C12orf54: variants seen among roughly 807,000 people sequenced by gnomAD.
C12orf54 encodes chromosome 12 open reading frame 54.
A neutral mutation model predicts 26.4 loss-of-function variants in C12orf54; 24 were observed. The ratio of observed to expected loss-of-function variants is 0.91; its 90% CI spans 0.66 to 1.28. The LOEUF (loss-of-function observed/expected upper bound fraction) is 1.28. C12orf54 is among the 50% of genes most tolerant of loss of function. The probability of loss-of-function intolerance (pLI) is 0.00; values close to 1 mark genes in which losing one functional copy is unlikely to be tolerated. For missense variants in C12orf54, 154 were observed against 150.9 expected (o/e 1.02, Z -0.11); for synonymous variants, 54 against 47.0 (o/e 1.15, Z -0.61).
the C12orf54 span, among the ~76,000 whole-genome samples, chr12:48,421,371 G>A: frequency 6.6e-6 from 1 of 151,994 alleles, no homozygotes; most frequent in Non-Finnish European, 1.5e-5. Flanking sequence ...CAACTCCAAA[G>A]AGGGTGGTGT....
At chr12:48,481,922 A>G (rs1198918188), upstream of C12orf54, among the ~76,000 whole-genome samples, 1 of 152,164 alleles carries the variant, frequency 6.6e-6, no homozygotes, top group Non-Finnish European at 1.5e-5. Flanking sequence ...AGATTTCTAG[A>G]CATATTGGGA....
chr12:48,433,784 G>A, the C12orf54 span, among the ~76,000 whole-genome samples: 1 of 152,176 alleles, frequency 6.6e-6, no homozygotes, highest in African/African-American at 2.4e-5. Context: ...GCCAGCGGTG[G>A]AGCCAAGATG....
the C12orf54 span, among the ~76,000 whole-genome samples, chr12:48,450,157 A>G: frequency 2.0e-5 from 3 of 152,190 alleles, no homozygotes; most frequent in Admixed American, 2.0e-4. Flanking sequence ...TTTTAAAACT[A>G]GAGGAATGGA....
chr12:48,444,442 C>G, the C12orf54 span, among the ~76,000 whole-genome samples: 1 of 152,162 alleles, frequency 6.6e-6, no homozygotes, highest in Admixed American at 6.5e-5. Context: ...GCACTAGAAA[C>G]TTAAATCGTG....
chr12:48,472,606 TC>T, the C12orf54 span: 1 of 1,600,616 alleles, frequency 6.2e-7, no homozygotes, highest in East Asian at 2.2e-5. Context: ...GGTTGTGGGT[TC>T]GGGGTTTATT....
the C12orf54 span, among the ~76,000 whole-genome samples, chr12:48,413,443 C>A: frequency 1.3e-5 from 2 of 152,104 alleles, no homozygotes. Context: ...AAGAAGAGGG[C>A]GGTCCTGAGG....
rs1937721800 is a variant in C12orf54, at chr12:48,488,953, GGAGGTGAGATTA to G, written c.168_168+11del. The G allele has an allele frequency of 6.2e-7, 1 of 1,611,480 alleles. No individual in the cohort carries two copies. The highest frequency in any genetic ancestry group is 1.7e-5 in the Admixed American group (1 of 59,846). On this transcript the variant is annotated splice_donor_variant and splice_donor_5th_base_variant and coding_sequence_variant and intron_variant, in exon 5 of 9. Transcript: ENST00000548364. LOFTEE classifies it high-confidence loss of function. ...TGACAGTTTTTAAGGATATACAAAA[GGAGGTGAGATTA>G]GATTTTGATTCTCTGAATTCCCCAG...
At chr12:48,414,730 A>G in the C12orf54 span, among the ~76,000 whole-genome samples, 216 of 152,224 alleles carry the variant, frequency 1.4e-3, no homozygotes, top group African/African-American at 4.8e-3. Flanking sequence ...TTATCCAGTG[A>G]CCTGGGCCCC....
chr12:48,433,602 C>T, the C12orf54 span, among the ~76,000 whole-genome samples: 1 of 152,142 alleles, frequency 6.6e-6, no homozygotes, highest in Non-Finnish European at 1.5e-5. Context: ...CACCCACCAC[C>T]ACCCCTGGCT....
At chr12:48,463,779 T>C in the C12orf54 span, among the ~76,000 whole-genome samples, 1 of 151,982 alleles carries the variant, frequency 6.6e-6, no homozygotes, top group African/African-American at 2.4e-5. Context: ...GTTCAACATA[T>C]ACAATTCAAC....
At chr12:48,455,992 G>C in the C12orf54 span, among the ~76,000 whole-genome samples, 1 of 152,280 alleles carries the variant, frequency 6.6e-6, no homozygotes, top group Non-Finnish European at 1.5e-5. Flanking sequence ...GCTATTTTAA[G>C]TGTTTTACAC....
the C12orf54 span, among the ~76,000 whole-genome samples, chr12:48,416,888 G>C: frequency 6.6e-6 from 1 of 152,044 alleles, no homozygotes; most frequent in African/African-American, 2.4e-5. Context: ...AGATGATTAG[G>C]CTCTACCCTC....
chr12:48,482,173 G>T (rs1954205165), upstream of C12orf54, among the ~76,000 whole-genome samples: 1 of 152,142 alleles, frequency 6.6e-6, no homozygotes, highest in Non-Finnish European at 1.5e-5. Flanking sequence ...CTCTCTGAAG[G>T]ACCTAGCTCT....
At chr12:48,452,850 C>T in the C12orf54 span, among the ~76,000 whole-genome samples, 1 of 151,562 alleles carries the variant, frequency 6.6e-6, no homozygotes, top group Non-Finnish European at 1.5e-5. Context: ...ACAGAACTAG[C>T]AAGATTGTGG....
chr12:48,431,488 A>C, the C12orf54 span, among the ~76,000 whole-genome samples: 8 of 152,192 alleles, frequency 5.3e-5, no homozygotes. Flanking sequence ...ACAAAATACT[A>C]ATTAAATTAG....
At chr12:48,487,005 G>T (rs905118768) in intron 4 of C12orf54, among the ~76,000 whole-genome samples, 3 of 152,192 alleles carry the variant, frequency 2.0e-5, no homozygotes, top group Non-Finnish European at 2.9e-5. Context: ...AATTCTCAGT[G>T]ATTGCTACAG....
chr12:48,413,616 C>T, the C12orf54 span, among the ~76,000 whole-genome samples: 1 of 152,234 alleles, frequency 6.6e-6, no homozygotes, highest in African/African-American at 2.4e-5. Flanking sequence ...CTTCTTCCCA[C>T]ACCCTAGTTG....
the C12orf54 span, among the ~76,000 whole-genome samples, chr12:48,431,357 T>C: frequency 4.6e-3 from 697 of 152,330 alleles, 6 homozygotes; most frequent in African/African-American, 0.016. Context: ...TGTGATTATC[T>C]GGGTATTCAC....
chr12:48,462,338 A>G, the C12orf54 span, among the ~76,000 whole-genome samples: 1 of 151,598 alleles, frequency 6.6e-6, no homozygotes, highest in Non-Finnish European at 1.5e-5. Flanking sequence ...AATAAAAAAT[A>G]AACAACAACT....
Sources: gnomAD v4.1 joint callset for allele counts (sites outside exome capture counted in the v4.1 genomes callset) on GRCh38, gnomAD v4.1.1 for gene constraint, MANE v1.5 for transcripts, NCBI Gene and HGNC (gene_info 2026-07-23, HGNC 2026-07-21) for gene names.